SIMC1: variants seen among roughly 807,000 people sequenced by gnomAD.
The protein encoded by SIMC1 is SUMO interacting motifs containing 1.
SIMC1 carries 55 observed loss-of-function variants against 82.3 expected under a neutral mutation model. That is an observed-to-expected ratio of 0.67 (90% CI 0.54 to 0.84). SIMC1 has a LOEUF of 0.84. Ranked by LOEUF, SIMC1 falls within the 40% of genes least tolerant of loss-of-function variation. The pLI is 0.00. For synonymous variants in SIMC1, 353 were observed against 426.3 expected, an observed-to-expected ratio of 0.83 and a Z score of 2.12; for missense variants, 915 against 1,107.2, an observed-to-expected ratio of 0.83 and a Z score of 2.46.
At chr5:176,313,344 A>T in intron 4 of SIMC1, 1 of 1,490,292 alleles carries the variant, frequency 6.7e-7, no homozygotes, top group Non-Finnish European at 8.9e-7. Flanking sequence ...CTGCCTCTTA[A>T]ATCAAATGAT....
rs573337112 is a variant in SIMC1, at chr5:176,295,170, C to T, written c.1572C>T (p.Ile524=). Residue 524 remains isoleucine (I), a synonymous_variant, in exon 3 of 10, where the codon ATC becomes ATT. Transcript: ENST00000429602. ...VSPQHYPPRE[I]VAHIIQKILL... is the part of the protein sequence containing the mutation. ...CCCAGCATTACCCACCAAGAGAAATCGTGGCTCACATCATCCAGAAAATCT... is the reference window on the plus strand; with the variant it reads ...CCCAGCATTACCCACCAAGAGAAATTGTGGCTCACATCATCCAGAAAATCT... 69 of 1,613,486 alleles carry T rather than the reference C, an allele frequency of 4.3e-5. No homozygotes were observed. Among genetic ancestry groups the T allele is most frequent in the Non-Finnish European group, 5.4e-5 (64 of 1,179,664 alleles).
chr5:176,265,291 C>CAAAG (rs753933420), intron 1 of SIMC1, among the ~76,000 whole-genome samples: 59 of 151,978 alleles, frequency 3.9e-4, no homozygotes, highest in Non-Finnish European at 6.6e-4. Flanking sequence ...AACAAACAAA[C>CAAAG]AGGATTCTGA....
In SIMC1 at chr5:176,243,367, A is replaced by G. The variant is rs150308386; in HGVS notation, c.129+4730A>G. On this transcript the variant is annotated intron_variant, in intron 1 of 9. Transcript: ENST00000429602. ...AAGAATGGAAAGCCAGTGAGGCTGCAATGTAACGACTGATGGACAGAGTCA... is the reference window on the plus strand; with the variant it reads ...AAGAATGGAAAGCCAGTGAGGCTGCGATGTAACGACTGATGGACAGAGTCA... Among the ~76,000 whole-genome samples, 383 of 152,342 alleles carry G rather than the reference A, an allele frequency of 2.5e-3. 3 individuals carry two copies. The highest frequency in any genetic ancestry group is 8.7e-3 in the African/African-American group (362 of 41,574).
chr5:176,315,679 C>T (rs1764869685), intron 5 of SIMC1, among the ~76,000 whole-genome samples: 1 of 152,100 alleles, frequency 6.6e-6, no homozygotes, highest in Admixed American at 6.6e-5. Flanking sequence ...GCAATGACTA[C>T]GATAAATCCT....
intron 2 of SIMC1, among the ~76,000 whole-genome samples, chr5:176,293,510 A>C (rs774360693): frequency 3.3e-5 from 5 of 151,496 alleles, no homozygotes; most frequent in Non-Finnish European, 5.9e-5. Context: ...TGGGAAGCCA[A>C]GACAGTCTTG....
intron 7 of SIMC1, among the ~76,000 whole-genome samples, chr5:176,331,802 C>G (rs1345047372): frequency 6.6e-6 from 1 of 151,856 alleles, no homozygotes; most frequent in African/African-American, 2.4e-5. Context: ...AACTCCATCT[C>G]TACTAAAAAT....
chr5:176,319,565 C>T (rs1010777586), intron 5 of SIMC1, among the ~76,000 whole-genome samples: 1 of 152,070 alleles, frequency 6.6e-6, no homozygotes, highest in Non-Finnish European at 1.5e-5. Flanking sequence ...GTGGCTCAGG[C>T]CTGTAATCCT....
At chr5:176,245,481 T>C (rs1399690458) in intron 1 of SIMC1, among the ~76,000 whole-genome samples, 1 of 152,228 alleles carries the variant, frequency 6.6e-6, no homozygotes, top group Admixed American at 6.5e-5. Context: ...CCACCTAGTT[T>C]CTGGTAATTT....
intron 2 of SIMC1, among the ~76,000 whole-genome samples, chr5:176,294,688 C>T (rs974052794): frequency 4.0e-5 from 6 of 151,646 alleles, no homozygotes; most frequent in African/African-American, 9.7e-5. Context: ...CCCGGCTCGG[C>T]GCCGTGGCTC....
rs539887952 is a variant in SIMC1, at chr5:176,336,932, C to T, written c.2328+56C>T. ...AGAGCACCTCTCTTTGCTCTAGGCC[C>T]GAACCCTTCCCATAGGATTTTAGCT... On this transcript the variant is annotated intron_variant, in intron 8 of 9. Coordinates refer to ENST00000429602, the MANE Select transcript of SIMC1 (RefSeq NM_001308195.2). 45 of 1,605,676 alleles carry T rather than the reference C, an allele frequency of 2.8e-5. No homozygotes were observed. The East Asian group carries it at 3.4e-4, about 12-fold the overall frequency.
At chr5:176,319,348 A>AT (rs1014501580) in intron 5 of SIMC1, among the ~76,000 whole-genome samples, 5 of 151,708 alleles carry the variant, frequency 3.3e-5, no homozygotes, top group African/African-American at 7.3e-5. Context: ...GAGCCCTTTT[A>AT]TTTTTTCTCT....
intron 1 of SIMC1, among the ~76,000 whole-genome samples, chr5:176,246,963 T>C (rs1032245827): frequency 6.6e-6 from 1 of 152,176 alleles, no homozygotes; most frequent in Non-Finnish European, 1.5e-5. Context: ...GGCTGCATAG[T>C]ATTCCATGGT....
rs998990472 is a variant in SIMC1 at position 176,303,261 on chromosome 5, C to G, written c.1734+6941C>G. ...CCAGTGTGGGTGACAGAGTGAGACT[C>G]TGTCTTTAAAAAAAAAAAAAAAAAA... is the stretch of plus-strand genomic sequence containing the variant. On this transcript the variant is annotated intron_variant, in intron 4 of 9. Transcript: ENST00000429602. Among the ~76,000 whole-genome samples, 15 of 76,862 alleles carry G rather than the reference C, an allele frequency of 2.0e-4. No homozygotes were observed. The Middle Eastern group carries it at 0.016, about 80-fold the overall frequency. The allele number at this position is 76,862 out of a possible 152,430, so 50.4% of individuals were successfully genotyped here.
At chr5:176,325,484 G>C (rs1765351899) in intron 7 of SIMC1, among the ~76,000 whole-genome samples, 1 of 152,000 alleles carries the variant, frequency 6.6e-6, no homozygotes, top group African/African-American at 2.4e-5. Flanking sequence ...AGGAGATCGA[G>C]ACCATCCTGG....
At chr5:176,287,400 G>C (rs188092911) in intron 1 of SIMC1, among the ~76,000 whole-genome samples, 1 of 152,162 alleles carries the variant, frequency 6.6e-6, no homozygotes, top group Non-Finnish European at 1.5e-5. Flanking sequence ...AACACTGCAT[G>C]TTCTCACTCA....
chr5:176,322,543 A>T (rs1277299394), intron 6 of SIMC1, 118 bp downstream of exon 6: 3 of 1,222,504 alleles, frequency 2.5e-6, no homozygotes, highest in Non-Finnish European at 2.2e-6. Flanking sequence ...ACATAGGCTG[A>T]TGCTTATTCA....
Position 176,271,746 on chromosome 5 carries a change from GAA to G in SIMC1, c.130-17906_130-17905del, listed in dbSNP as rs541791724. On this transcript the variant is annotated intron_variant, in intron 1 of 9. Coordinates refer to ENST00000429602, the MANE Select transcript of SIMC1 (RefSeq NM_001308195.2). ...GTACAATTGGAATGTTCTTAACAAA[GAA>G]ATGAATTCTTGAGGTGACGGATACC... Among the ~76,000 whole-genome samples the G allele has an allele frequency of 4.0e-3, 608 of 151,362 alleles. 9 individuals carry two copies. Among genetic ancestry groups the G allele is most frequent in the African/African-American group, 0.014 (563 of 41,280 alleles).
At chr5:176,277,006 C>T (rs994675624) in intron 1 of SIMC1, among the ~76,000 whole-genome samples, 52 of 151,028 alleles carry the variant, frequency 3.4e-4, no homozygotes, top group Admixed American at 1.3e-3. Context: ...AGTTCCAGAT[C>T]CCTGAGGAAT....
At chr5:176,269,280 C>G (rs1217023954) in intron 1 of SIMC1, among the ~76,000 whole-genome samples, 1 of 150,482 alleles carries the variant, frequency 6.6e-6, no homozygotes, top group African/African-American at 2.5e-5. Flanking sequence ...AAATATCTAG[C>G]TAGATTGATC....
Sources: gnomAD v4.1 joint callset for allele counts (sites outside exome capture counted in the v4.1 genomes callset) on GRCh38, gnomAD v4.1.1 for gene constraint, MANE v1.5 for transcripts, NCBI Gene and HGNC (gene_info 2026-07-23, HGNC 2026-07-21) for gene names.